PDE8A: variants seen among roughly 807,000 people sequenced by gnomAD.
PDE8A encodes the protein high affinity cAMP-specific and IBMX-insensitive 3',5'-cyclic phosphodiesterase 8A.
A neutral mutation model predicts 105.0 loss-of-function variants in PDE8A; 59 were observed. The observed-to-expected ratio is 0.56, with a 90% CI of 0.46 to 0.70. The LOEUF is 0.70. Among genes scored for constraint, PDE8A ranks in the 30% least tolerant of loss-of-function variants. PDE8A has a pLI of 0.00. For synonymous variants in PDE8A, 355 were observed against 371.9 expected, an observed-to-expected ratio of 0.95 and a Z score of 0.52; for missense variants, 1,014 against 1,045.9, an observed-to-expected ratio of 0.97 and a Z score of 0.42.
chr15:85,001,909 A>C (rs2080073640), intron 1 of PDE8A, among the ~76,000 whole-genome samples: 1 of 152,202 alleles, frequency 6.6e-6, no homozygotes, highest in African/African-American at 2.4e-5. Flanking sequence ...TGCATGAACT[A>C]AGTTAATCTT....
intron 1 of PDE8A, among the ~76,000 whole-genome samples, chr15:85,014,848 C>T (rs2080298339): frequency 6.6e-6 from 1 of 152,100 alleles, no homozygotes; most frequent in African/African-American, 2.4e-5. Flanking sequence ...CAAAGTTGTG[C>T]AACCATTACC....
At position 85,116,013 on chromosome 15, in the gene PDE8A, A is replaced by G; in HGVS notation, c.1429A>G (p.Thr477Ala). Reference protein sequence around the residue: ...NTQMVSSNIITPISLDDVPPR... With the variant: ...NTQMVSSNIIAPISLDDVPPR... ...TCAAATGGTTTCAAGCAATATAATC[A>G]CTCCCATCTCCCTTGATGATGTCCC... The change falls in exon 16 of 22, where the codon ACT becomes GCT. Residue 477 changes from threonine to alanine, a missense_variant. Coordinates refer to ENST00000394553, the MANE Select transcript of PDE8A (RefSeq NM_002605.3). 1 of 1,612,956 alleles carries G rather than the reference A, an allele frequency of 6.2e-7. No homozygotes were observed. Among genetic ancestry groups the G allele is most frequent in the Non-Finnish European group, 8.5e-7 (1 of 1,179,334 alleles).
chr15:85,131,058 G>T (rs2082323687), intron 20 of PDE8A, among the ~76,000 whole-genome samples: 1 of 152,142 alleles, frequency 6.6e-6, no homozygotes. Context: ...CGCCTGGCCT[G>T]TAACAGTTTT....
intron 1 of PDE8A, among the ~76,000 whole-genome samples, chr15:85,059,679 A>G (rs2081114692): frequency 1.3e-5 from 2 of 151,940 alleles, no homozygotes; most frequent in Admixed American, 1.3e-4. Context: ...ATCTTTTTCC[A>G]TCCTTTCACT....
chr15:85,120,862 C>G lies in PDE8A; in HGVS notation c.1800C>G (p.His600Gln). ...LIAATIHDVD[H>Q]PGRTNSFLCN... The stretch of plus-strand genomic sequence containing the variant: ...CAGCCACCATTCATGATGTGGATCA[C>G]CCTGGGAGAACCAACTCCTTCCTGT... The change falls in exon 18 of 22, where the codon CAC becomes CAG. Residue 600 changes from histidine (H) to glutamine (Q), a missense_variant. Coordinates refer to ENST00000394553, the MANE Select transcript of PDE8A (RefSeq NM_002605.3). 1 of 1,614,070 alleles carries G rather than the reference C, an allele frequency of 6.2e-7. No individual in the cohort carries two copies.
At chr15:85,091,438 T>C (rs1167144686) in intron 8 of PDE8A, among the ~76,000 whole-genome samples, 1 of 152,252 alleles carries the variant, frequency 6.6e-6, no homozygotes, top group Non-Finnish European at 1.5e-5. Flanking sequence ...TGTAGTAAGT[T>C]AATAACTTGA....
At chr15:85,005,528 C>G (rs2080132432) in intron 1 of PDE8A, among the ~76,000 whole-genome samples, 1 of 152,080 alleles carries the variant, frequency 6.6e-6, no homozygotes, top group Non-Finnish European at 1.5e-5. Flanking sequence ...AAAATATGCC[C>G]CCTGGTGTTC....
chr15:85,036,637 G>A (rs1277133811), intron 1 of PDE8A, among the ~76,000 whole-genome samples: 2 of 152,140 alleles, frequency 1.3e-5, no homozygotes, highest in African/African-American at 4.8e-5. Context: ...ATCAGGCTGA[G>A]AGGACTCCAG....
chr15:84,985,133 T>C (rs1015924750), intron 1 of PDE8A, among the ~76,000 whole-genome samples: 2 of 152,172 alleles, frequency 1.3e-5, no homozygotes, highest in Non-Finnish European at 2.9e-5. Context: ...TTTCTTGAGG[T>C]GTATGTCAGG....
At chr15:85,086,817 C>T (rs922323295) in intron 6 of PDE8A, among the ~76,000 whole-genome samples, 2 of 152,028 alleles carry the variant, frequency 1.3e-5, no homozygotes, top group African/African-American at 4.8e-5. Context: ...GTGGCATGAT[C>T]TCTGCTCACT....
intron 1 of PDE8A, among the ~76,000 whole-genome samples, chr15:85,015,372 C>T (rs1567229901): frequency 6.6e-6 from 1 of 151,864 alleles, no homozygotes; most frequent in African/African-American, 2.4e-5. Flanking sequence ...GACCACATCA[C>T]GCCTGGCTAA....
chr15:85,043,238 G>C (rs2080837605), intron 1 of PDE8A, among the ~76,000 whole-genome samples: 2 of 152,184 alleles, frequency 1.3e-5, no homozygotes, highest in African/African-American at 4.8e-5. Flanking sequence ...GCTGAATTCA[G>C]TTTTTCTTTA....
intron 1 of PDE8A, among the ~76,000 whole-genome samples, chr15:85,040,385 A>G (rs555426468): frequency 1.3e-5 from 2 of 150,996 alleles, no homozygotes; most frequent in East Asian, 1.9e-4. Flanking sequence ...AAAAAAAAAA[A>G]AAAAAGAAAA....
At chr15:85,056,410 A>G (rs973640485) in intron 1 of PDE8A, among the ~76,000 whole-genome samples, 4 of 152,152 alleles carry the variant, frequency 2.6e-5, no homozygotes, top group Admixed American at 1.3e-4. Context: ...GTGTTTTCCA[A>G]CTTGGTTCCA....
At chr15:85,044,516 G>T (rs1263708302) in intron 1 of PDE8A, among the ~76,000 whole-genome samples, 1 of 152,162 alleles carries the variant, frequency 6.6e-6, no homozygotes, top group Non-Finnish European at 1.5e-5. Flanking sequence ...CTACTAAGAT[G>T]CCTTGCAGAG....
chr15:84,990,386 C>G (rs1480317794), intron 1 of PDE8A, among the ~76,000 whole-genome samples: 1 of 152,170 alleles, frequency 6.6e-6, no homozygotes, highest in African/African-American at 2.4e-5. Context: ...TGCTCCCTTT[C>G]CATTCTTACC....
chr15:85,067,243 T>C, intron 3 of PDE8A, 39 bp downstream of exon 3: 1 of 1,401,492 alleles, frequency 7.1e-7, no homozygotes, highest in East Asian at 2.3e-5. Flanking sequence ...CCCATTGGCC[T>C]TTCTGACAAT....
At chr15:85,136,500 T>G (rs1206398976) in intron 20 of PDE8A, 34 bp from the exon 21 acceptor site, 3 of 1,597,290 alleles carry the variant, frequency 1.9e-6, no homozygotes, top group Non-Finnish European at 2.6e-6. Context: ...GAACCAGATG[T>G]TGGGGTCTCC....
intron 1 of PDE8A, among the ~76,000 whole-genome samples, chr15:85,056,955 A>G (rs894554389): frequency 2.0e-5 from 3 of 152,004 alleles, no homozygotes; most frequent in Admixed American, 6.6e-5. Context: ...GGTTTTATCT[A>G]CCTTTGGTCT....
Sources: gnomAD v4.1 joint callset for allele counts (sites outside exome capture counted in the v4.1 genomes callset) on GRCh38, gnomAD v4.1.1 for gene constraint, MANE v1.5 for transcripts, NCBI Gene and HGNC (gene_info 2026-07-23, HGNC 2026-07-21) for gene names.